The following PIEZO1 variants were observed in gnomAD, a reference collection of about 807,000 sequenced individuals.
PIEZO1 encodes the protein piezo type mechanosensitive ion channel component 1 (Er blood group).
In PIEZO1, 296 loss-of-function variants were observed where a neutral mutation model predicts 297.2. That is an observed-to-expected ratio of 1.00 (90% confidence interval 0.91 to 1.10). The LOEUF (loss-of-function observed/expected upper bound fraction) is 1.10. PIEZO1 is among the 50% of genes least tolerant of loss of function. PIEZO1 has a pLI of 0.00. For synonymous variants in PIEZO1, 2,427 were observed against 1,507.5 expected, an observed-to-expected ratio of 1.61 and a Z score of -14.13; for missense variants, 5,018 against 3,455.5, an observed-to-expected ratio of 1.45 and a Z score of -11.34.
rs78398589 is a variant in PIEZO1 at position 88,759,935 on chromosome 16, G to A, written c.65-10456C>T. Among the ~76,000 whole-genome samples the A allele has an allele frequency of 7.9e-3, 1,208 of 152,238 alleles. 5 individuals are homozygous for A. Among genetic ancestry groups the A allele is most frequent in the Non-Finnish European group, 0.013 (854 of 67,988 alleles). ...GCTCCCCCAATGGAGGCCGAGCCCG[G>A]CCAGGCCCACCTTCACCAGCCACCC... is the stretch of plus-strand genomic sequence containing the variant. On this transcript the variant is annotated intron_variant, in intron 1 of 50. Coordinates refer to ENST00000301015, the MANE Select transcript of PIEZO1 (RefSeq NM_001142864.4).
At chr16:88,724,911 G>A (rs750196150) in intron 30 of PIEZO1, 98 bp downstream of exon 30, 4 of 775,334 alleles carry the variant, frequency 5.2e-6, no homozygotes, top group South Asian at 2.2e-5. Flanking sequence ...GGGCCTGGGA[G>A]TCGGGGGAAG....
At chr16:88,725,862 G>C (rs1478719467) in intron 27 of PIEZO1, 178 bp from the exon 28 acceptor site, 1 of 604,646 alleles carries the variant, frequency 1.7e-6, no homozygotes. Flanking sequence ...TCTGCGGCGA[G>C]GACAGGCCCT....
intron 19 of PIEZO1, 33 bp downstream of exon 19, chr16:88,733,245 C>A: frequency 6.6e-7 from 1 of 1,525,676 alleles, no homozygotes; most frequent in Non-Finnish European, 8.9e-7. Context: ...TTGCCTGGAG[C>A]TTCCTCCCGT....
chr16:88,752,631 G>A (rs141240172), intron 1 of PIEZO1, among the ~76,000 whole-genome samples: 2 of 152,294 alleles, frequency 1.3e-5, no homozygotes, highest in African/African-American at 4.8e-5. Context: ...TGGAGATGAG[G>A]GAGGGGCTGG....
At chr16:88,732,092 G>T (rs1432968426) in intron 21 of PIEZO1, among the ~76,000 whole-genome samples, 182 bp from the exon 22 acceptor site, 1 of 151,900 alleles carries the variant, frequency 6.6e-6, no homozygotes, top group Non-Finnish European at 1.5e-5. Flanking sequence ...CATCGTGCAG[G>T]GGAAACTGAG....
Position 88,749,404 on chromosome 16 carries a change from G to T in PIEZO1, c.140C>A (p.Pro47His). The change falls in exon 2 of 51, where the codon CCC becomes CAC. Residue 47 changes from proline (P) to histidine (H), a missense_variant. Coordinates refer to ENST00000301015, the MANE Select transcript of PIEZO1 (RefSeq NM_001142864.4). Reference sequence around the variant, plus strand: ...CTTACCTTGGAGGCCGCATCGGGTGGGGCCGGGGAACCAGGGCAGCAGCAG... The same window carrying T: ...CTTACCTTGGAGGCCGCATCGGGTGTGGCCGGGGAACCAGGGCAGCAGCAG... ...FLLLLPWFPGPTRCGLQGHTG... is the reference protein window; with the variant it reads ...FLLLLPWFPGHTRCGLQGHTG... The T allele has an allele frequency of 1.3e-6, 2 of 1,517,732 alleles. No individual in the cohort carries two copies. The highest frequency in any genetic ancestry group is 8.8e-7 in the Non-Finnish European group (1 of 1,139,590). The allele number at this position is 1,517,732 out of a possible 1,614,324, so 94.0% of individuals were successfully genotyped here.
chr16:88,743,533 A>T, intron 2 of PIEZO1: 1 of 456,572 alleles, frequency 2.2e-6, no homozygotes, highest in Non-Finnish European at 4.4e-6. Context: ...TGTCACCACC[A>T]CATCTGCCCT....
Position 88,723,131 on chromosome 16 carries a change from C to T in PIEZO1, c.4459G>A (p.Val1487Met), listed in dbSNP as rs1332647016. 3.9e-6 allele frequency: 6 copies of T among 1,548,984 alleles called. No homozygotes were observed. The highest frequency in any genetic ancestry group is 2.0e-5 in the Admixed American group (1 of 50,986). Residue 1487 changes from valine to methionine, a missense_variant, in exon 33 of 51, where the codon GTG (valine) becomes ATG (methionine). Val to Met is a conservative substitution (Grantham distance 21). Coordinates refer to ENST00000301015, the MANE Select transcript of PIEZO1 (RefSeq NM_001142864.4). ...LPTGGGPSQE[V>M]EPAEGPEEAA... is the part of the protein sequence containing the mutation. ...TCCTCGGGGCCCTCTGCTGGCTCCA[C>T]CTCCTGGCTGGGACCACCTCCTGGG...
chr16:88,782,571 G>T (rs1319825476), intron 1 of PIEZO1, among the ~76,000 whole-genome samples: 1 of 152,174 alleles, frequency 6.6e-6, no homozygotes, highest in Non-Finnish European at 1.5e-5. Flanking sequence ...GGGCGTGGGG[G>T]CCAGGGGCAC....
At chr16:88,717,624 G>C in intron 44 of PIEZO1, 1 of 460,508 alleles carries the variant, frequency 2.2e-6, no homozygotes, top group South Asian at 1.6e-5. Context: ...ACCTGGATTT[G>C]GCGAAGGAAA....
At chr16:88,753,719 G>A (rs1335311391) in intron 1 of PIEZO1, among the ~76,000 whole-genome samples, 5 of 152,226 alleles carry the variant, frequency 3.3e-5, no homozygotes, top group African/African-American at 1.2e-4. Context: ...TATGCAGCCG[G>A]CAGTGCTCTT....
intron 1 of PIEZO1, among the ~76,000 whole-genome samples, chr16:88,778,566 G>C (rs1283641321): frequency 6.6e-6 from 1 of 152,184 alleles, no homozygotes; most frequent in Non-Finnish European, 1.5e-5. Context: ...ACGCACGTCG[G>C]CCTAAGGGGC....
chr16:88,770,284 T>A (rs2142897935), intron 1 of PIEZO1, among the ~76,000 whole-genome samples: 1 of 152,044 alleles, frequency 6.6e-6, no homozygotes, highest in South Asian at 2.1e-4. Context: ...GCCTGATGCC[T>A]GTGCACAGCC....
At chr16:88,756,403 G>A (rs571110233) in intron 1 of PIEZO1, among the ~76,000 whole-genome samples, 3 of 152,322 alleles carry the variant, frequency 2.0e-5, no homozygotes, top group East Asian at 3.9e-4. Context: ...CTAATGGACC[G>A]GAAGGATCTC....
intron 10 of PIEZO1, 28 bp from the exon 11 acceptor site, chr16:88,736,767 G>C: frequency 2.8e-6 from 4 of 1,430,398 alleles, no homozygotes; most frequent in Non-Finnish European, 2.8e-6. Context: ...GGTCAGCTTC[G>C]GCAGGTTGAT....
intron 1 of PIEZO1, among the ~76,000 whole-genome samples, chr16:88,763,825 T>C (rs1300227317): frequency 1.3e-5 from 2 of 152,106 alleles, no homozygotes; most frequent in Non-Finnish European, 2.9e-5. Context: ...CCAGACTAAT[T>C]GAGAGGGTAA....
rs929198330 is a variant in PIEZO1 at position 88,732,618 on chromosome 16, C to T, written c.2779G>A (p.Gly927Ser). ...GCCCTTCAACTCACCTGGATGTAGC[C>T]CAGGTTGGGGAACCCTTTCCGCACC... ...FGVRKGFPNL[G>S]YIQNHLQVLL... The change falls in exon 20 of 51, where the codon GGC becomes AGC. Residue 927 changes from glycine (G) to serine (S), a missense_variant. Gly to Ser is a moderately conservative substitution (Grantham distance 56). Coordinates refer to ENST00000301015, the MANE Select transcript of PIEZO1 (RefSeq NM_001142864.4). The T allele has an allele frequency of 1.9e-6, 3 of 1,549,046 alleles. No homozygotes were observed. The highest frequency in any genetic ancestry group is 2.6e-6 in the Non-Finnish European group (3 of 1,146,174).
intron 31 of PIEZO1, among the ~76,000 whole-genome samples, 197 bp downstream of exon 31, chr16:88,723,674 G>A (rs1299173834): frequency 6.6e-6 from 1 of 152,262 alleles, no homozygotes; most frequent in East Asian, 1.9e-4. Context: ...TGGGGCAGCA[G>A]GCTACACATG....
chr16:88,715,387 C>A lies in PIEZO1; in HGVS notation c.*218G>T, dbSNP rs1454543500. The A allele has an allele frequency of 7.3e-5, 76 of 1,046,036 alleles. No homozygotes were observed. The East Asian group carries it at 1.7e-3, about 23-fold the overall frequency. 64.8% of individuals were successfully genotyped at this position (1,046,036 alleles called of 1,614,324 possible). ...AAACATTTTTTAATTAAAAAAAAAA[C>A]TCTACAGTACACGTGGGGGACGGCA... On this transcript the variant is annotated 3_prime_UTR_variant, in exon 51 of 51. Coordinates refer to ENST00000301015, the MANE Select transcript of PIEZO1 (RefSeq NM_001142864.4).
Sources: gnomAD v4.1 joint callset for allele counts (sites outside exome capture counted in the v4.1 genomes callset) on GRCh38, gnomAD v4.1.1 for gene constraint, MANE v1.5 for transcripts, NCBI Gene and HGNC (gene_info 2026-07-23, HGNC 2026-07-21) for gene names.